SLC2A13: variants seen among roughly 807,000 people sequenced by gnomAD.
SLC2A13 encodes proton myo-inositol cotransporter.
In SLC2A13, 32 loss-of-function variants were observed where a neutral mutation model predicts 64.4. The ratio of observed to expected loss-of-function variants is 0.50; its 90% CI spans 0.37 to 0.67. SLC2A13 has a LOEUF of 0.67. Among genes scored for constraint, SLC2A13 ranks in the 30% least tolerant of loss-of-function variants. The probability of loss-of-function intolerance (pLI) is 0.00; values close to 1 mark genes in which losing one functional copy is unlikely to be tolerated. For synonymous variants in SLC2A13, 338 were observed against 327.1 expected (o/e 1.03, Z -0.36); for missense variants, 743 against 829.2 (o/e 0.90, Z 1.28).
At chr12:40,018,193 C>T (rs1230810119) in intron 3 of SLC2A13, among the ~76,000 whole-genome samples, 2 of 152,138 alleles carry the variant, frequency 1.3e-5, no homozygotes, top group Non-Finnish European at 2.9e-5. Context: ...TAATAAGCTT[C>T]ACACTTTACT....
intron 1 of SLC2A13, among the ~76,000 whole-genome samples, chr12:40,096,880 T>C (rs1938961683): frequency 6.6e-6 from 1 of 152,194 alleles, no homozygotes; most frequent in South Asian, 2.1e-4. Context: ...GCTAGCACAT[T>C]AAATACTAAT....
intron 7 of SLC2A13, among the ~76,000 whole-genome samples, chr12:39,827,045 C>T (rs943925866): frequency 3.3e-5 from 5 of 151,228 alleles, no homozygotes; most frequent in South Asian, 2.1e-4. Context: ...TTTGCACCAG[C>T]CTGATACTCT....
intron 6 of SLC2A13, among the ~76,000 whole-genome samples, chr12:39,840,492 C>T (rs1943152884): frequency 6.6e-6 from 1 of 151,972 alleles, no homozygotes; most frequent in South Asian, 2.1e-4. Flanking sequence ...CTCTACTTGC[C>T]ATTTCTCCAT....
intron 7 of SLC2A13, among the ~76,000 whole-genome samples, chr12:39,821,081 C>T (rs943792736): frequency 6.6e-6 from 1 of 152,016 alleles, no homozygotes; most frequent in Non-Finnish European, 1.5e-5. Context: ...CTGCCCTGTA[C>T]TATTATTTGT....
chr12:39,963,513 A>G (rs1353580890), intron 3 of SLC2A13, among the ~76,000 whole-genome samples: 1 of 152,196 alleles, frequency 6.6e-6, no homozygotes, highest in Non-Finnish European at 1.5e-5. Flanking sequence ...CCTAGACAAC[A>G]GGCTCCCATA....
rs151071757 is a variant in SLC2A13, at chr12:39,993,910, T to C, written c.925+34391A>G. On this transcript the variant is annotated intron_variant, in intron 3 of 9. Transcript: ENST00000280871. ...CTACTTAAATATCATTTAAATCTAATTGAAAAGCAAGGAGCAAAGGAAACA... is the reference window on the plus strand; with the variant it reads ...CTACTTAAATATCATTTAAATCTAACTGAAAAGCAAGGAGCAAAGGAAACA... 1.8e-4 allele frequency among the ~76,000 whole-genome samples: 27 copies of C among 152,284 alleles called. No homozygotes were observed. The East Asian group carries it at 4.6e-3, about 26-fold the overall frequency.
At chr12:39,792,514 A>C (rs78858037) in intron 7 of SLC2A13, among the ~76,000 whole-genome samples, 2,070 of 152,238 alleles carry the variant, frequency 0.014, 53 homozygotes, top group African/African-American at 0.047. Context: ...AGTCCTCAAA[A>C]CATGTGACTT....
chr12:39,856,470 G>A (rs1229589208), intron 6 of SLC2A13, among the ~76,000 whole-genome samples: 1 of 152,192 alleles, frequency 6.6e-6, no homozygotes, highest in Non-Finnish European at 1.5e-5. Flanking sequence ...CCGGGCTCAA[G>A]CGTTTCTCCT....
At chr12:39,842,623 A>G (rs947547934) in intron 6 of SLC2A13, among the ~76,000 whole-genome samples, 5 of 151,910 alleles carry the variant, frequency 3.3e-5, no homozygotes. Flanking sequence ...AAAATTTTTT[A>G]CTGAGATAAA....
chr12:39,882,012 C>G (rs1944348459), intron 4 of SLC2A13, among the ~76,000 whole-genome samples: 1 of 152,098 alleles, frequency 6.6e-6, no homozygotes, highest in Non-Finnish European at 1.5e-5. Flanking sequence ...TCCTCTCTGG[C>G]CAGCACAGCC....
At chr12:39,836,436 G>A (rs937907704) in intron 6 of SLC2A13, among the ~76,000 whole-genome samples, 2 of 152,072 alleles carry the variant, frequency 1.3e-5, no homozygotes, top group African/African-American at 2.4e-5. Context: ...CATAAGACAG[G>A]GATGCCCTCT....
chr12:39,871,671 C>T (rs891871576), intron 5 of SLC2A13, 127 bp downstream of exon 5: 77 of 934,588 alleles, frequency 8.2e-5, no homozygotes, highest in Non-Finnish European at 1.1e-4. Context: ...TAGAAGAACT[C>T]TAATTTTTTT....
intron 3 of SLC2A13, among the ~76,000 whole-genome samples, chr12:39,995,913 G>A (rs911114324): frequency 5.3e-5 from 8 of 152,172 alleles, no homozygotes; most frequent in Non-Finnish European, 8.8e-5. Flanking sequence ...ATGATTGTGC[G>A]GCTTCCCCAG....
intron 3 of SLC2A13, among the ~76,000 whole-genome samples, chr12:39,994,313 G>A (rs774214880): frequency 1.3e-5 from 2 of 151,130 alleles, no homozygotes; most frequent in Non-Finnish European, 2.9e-5. Flanking sequence ...AACCCGGGAG[G>A]CGGAGCTTGC....
rs995937414 is a variant in SLC2A13, at chr12:39,769,741, T to C, written c.1446-4883A>G. The stretch of plus-strand genomic sequence containing the variant: ...TTCTGTCTACAATACACAAGATCTC[T>C]CTTACTCAAATGTTCAACTCCTCTC... On this transcript the variant is annotated intron_variant, in intron 7 of 9. Coordinates refer to ENST00000280871, the MANE Select transcript of SLC2A13 (RefSeq NM_052885.4). Among the ~76,000 whole-genome samples the C allele has an allele frequency of 6.6e-5, 10 of 151,906 alleles. No individual in the cohort carries two copies. In the East Asian group the frequency reaches 1.9e-3, roughly 29 times the overall value.
rs186730696 is a variant in SLC2A13, at chr12:39,948,158, C to T, written c.1034+3099G>A. 3.9e-3 allele frequency among the ~76,000 whole-genome samples: 589 copies of T among 152,082 alleles called. 3 individuals are homozygous for T. The highest frequency in any genetic ancestry group is 4.0e-3 in the Non-Finnish European group (271 of 67,990). Reference sequence around the variant, plus strand: ...TAAAGGAAAATAATCAATTCAGTTGCATGTTGAAATTATTAGGATGAGAGT... The same window carrying T: ...TAAAGGAAAATAATCAATTCAGTTGTATGTTGAAATTATTAGGATGAGAGT... On this transcript the variant is annotated intron_variant, in intron 4 of 9. Transcript: ENST00000280871.
intron 1 of SLC2A13, among the ~76,000 whole-genome samples, chr12:40,068,838 T>C (rs972136786): frequency 6.6e-6 from 1 of 151,980 alleles, no homozygotes; most frequent in African/African-American, 2.4e-5. Context: ...TTGTTTTTTT[T>C]TTCTCATCCA....
chr12:39,989,255 CT>C (rs1281671393), intron 3 of SLC2A13, among the ~76,000 whole-genome samples: 1 of 152,180 alleles, frequency 6.6e-6, no homozygotes, highest in African/African-American at 2.4e-5. Context: ...GTATTTTAGT[CT>C]TTTGAATACA....
At position 40,028,264 on chromosome 12, in the gene SLC2A13, T is replaced by C. The variant is rs371459985; in HGVS notation, c.925+37A>G. ...AATAATGACAAATAAGACCACTGTATAGTTTTTAAATTCATATAAGTATAA... is the reference window on the plus strand; with the variant it reads ...AATAATGACAAATAAGACCACTGTACAGTTTTTAAATTCATATAAGTATAA... On this transcript the variant is annotated intron_variant, in intron 3 of 9. Transcript: ENST00000280871. 11 of 1,507,168 alleles carry C rather than the reference T, an allele frequency of 7.3e-6. No individual in the cohort carries two copies. In the African/African-American group the frequency reaches 1.1e-4, roughly 15 times the overall value. 93.4% of individuals were successfully genotyped at this position (1,507,168 alleles called of 1,614,324 possible).
Sources: allele counts gnomAD v4.1 joint callset (sites outside exome capture counted in the v4.1 genomes callset), GRCh38; gene constraint gnomAD v4.1.1; transcripts MANE v1.5; gene names NCBI Gene and HGNC (gene_info 2026-07-23, HGNC 2026-07-21).